TRPM3: variants seen among roughly 807,000 people sequenced by gnomAD.
The protein encoded by TRPM3 is long transient receptor potential channel 3.
A neutral mutation model predicts 181.2 loss-of-function variants in TRPM3; 77 were observed. That is an observed-to-expected ratio of 0.42 (90% CI 0.35 to 0.51). The LOEUF is 0.51. TRPM3 is among the 20% of genes least tolerant of loss of function. The pLI, the probability that TRPM3 is intolerant of heterozygous loss-of-function variation, is 0.01. For missense variants in TRPM3, 1,759 were observed against 2,196.7 expected, an observed-to-expected ratio of 0.80 and a Z score of 3.98; for synonymous variants, 745 against 796.4, an observed-to-expected ratio of 0.94 and a Z score of 1.09.
At chr9:71,033,044 CT>C (rs1478773118) in intron 1 of TRPM3, among the ~76,000 whole-genome samples, 2 of 152,186 alleles carry the variant, frequency 1.3e-5, no homozygotes, top group African/African-American at 2.4e-5. Flanking sequence ...TGGCACCTAT[CT>C]GATAGTTCAC....
chr9:70,664,588 T>C (rs1435811963), intron 9 of TRPM3, among the ~76,000 whole-genome samples: 3 of 150,588 alleles, frequency 2.0e-5, no homozygotes, highest in African/African-American at 4.9e-5. Context: ...GCCTGGGCCA[T>C]GGACATGGGG....
At chr9:71,351,399 A>T (rs1323046607) in intron 1 of TRPM3, among the ~76,000 whole-genome samples, 1 of 152,234 alleles carries the variant, frequency 6.6e-6, no homozygotes, top group Non-Finnish European at 1.5e-5. Context: ...TGAAACAATG[A>T]TTCTATAACC....
At chr9:70,978,844 C>T (rs1208025560) in intron 1 of TRPM3, among the ~76,000 whole-genome samples, 1 of 152,196 alleles carries the variant, frequency 6.6e-6, no homozygotes, top group Non-Finnish European at 1.5e-5. Flanking sequence ...CGAGCTTAGA[C>T]ACCACCTGTA....
At chr9:71,418,813 C>CTA (rs67074520) in intron 1 of TRPM3, among the ~76,000 whole-genome samples, 4,056 of 113,114 alleles carry the variant, frequency 0.036, 184 homozygotes, top group African/African-American at 0.1. Flanking sequence ...TATATATATA[C>CTA]TATATATATA....
At chr9:70,673,931 C>A in intron 9 of TRPM3, among the ~76,000 whole-genome samples, 1 of 109,008 alleles carries the variant, frequency 9.2e-6, no homozygotes. Flanking sequence ...TCTGGGAGAC[C>A]AGAGTAAAAC....
intron 1 of TRPM3, among the ~76,000 whole-genome samples, chr9:71,072,186 T>C (rs1367661352): frequency 6.6e-6 from 1 of 152,200 alleles, no homozygotes; most frequent in East Asian, 1.9e-4. Context: ...ATGGAACACC[T>C]TCATTGATGG....
At chr9:71,424,470 G>A (rs1210116568) in intron 1 of TRPM3, among the ~76,000 whole-genome samples, 3 of 152,074 alleles carry the variant, frequency 2.0e-5, no homozygotes, top group Non-Finnish European at 4.4e-5. Flanking sequence ...GTCAAGGAGA[G>A]AAACAAATAT....
At chr9:70,563,049 G>T (rs976025597) in intron 22 of TRPM3, among the ~76,000 whole-genome samples, 5 of 152,216 alleles carry the variant, frequency 3.3e-5, no homozygotes, top group Non-Finnish European at 7.3e-5. Context: ...TTGGTGAATG[G>T]AATGTTAGCA....
rs931398510 is a variant in TRPM3, at chr9:71,356,025, T to C, written c.183+90628A>G. Among the ~76,000 whole-genome samples the C allele has an allele frequency of 3.9e-5, 6 of 152,264 alleles. No individual in the cohort carries two copies. The East Asian group carries it at 9.7e-4, about 24-fold the overall frequency. ...TAGCGAGTGGTTGATTGGGCTTCAA[T>C]GCGTTCTCATTCCTGAAGGAAATCC... On this transcript the variant is annotated intron_variant, in intron 1 of 24. Coordinates refer to the TRPM3 transcript ENST00000357533.
chr9:70,925,531 G>A (rs12343924), intron 1 of TRPM3, among the ~76,000 whole-genome samples: 20,545 of 150,732 alleles, frequency 0.14, 1,527 homozygotes, highest in Non-Finnish European at 0.16. Context: ...GTAGAATATG[G>A]AAAAAAATAT....
intron 19 of TRPM3, among the ~76,000 whole-genome samples, chr9:70,609,665 G>A (rs993346967): frequency 6.6e-5 from 10 of 152,228 alleles, no homozygotes; most frequent in African/African-American, 2.4e-4. Flanking sequence ...TAGCACTGAA[G>A]TAGAGAAACC....
chr9:71,106,301 G>A (rs1413402975), intron 1 of TRPM3, among the ~76,000 whole-genome samples: 1 of 152,154 alleles, frequency 6.6e-6, no homozygotes, highest in East Asian at 1.9e-4. Context: ...ATAATCCCCA[G>A]TGTTGGAAAT....
At chr9:71,021,557 T>A (rs2097847559) in intron 1 of TRPM3, among the ~76,000 whole-genome samples, 1 of 152,242 alleles carries the variant, frequency 6.6e-6, no homozygotes, top group Non-Finnish European at 1.5e-5. Context: ...TTTTCAATTT[T>A]AAAAATCTAG....
chr9:71,229,156 C>T (rs1051268304), intron 1 of TRPM3, among the ~76,000 whole-genome samples: 2 of 152,012 alleles, frequency 1.3e-5, no homozygotes, highest in African/African-American at 4.8e-5. Context: ...AATCCAGAAA[C>T]AAATCCATAT....
At chr9:71,044,843 T>TG (rs2059244343) in intron 1 of TRPM3, among the ~76,000 whole-genome samples, 1 of 151,392 alleles carries the variant, frequency 6.6e-6, no homozygotes, top group Non-Finnish European at 1.5e-5. Flanking sequence ...GGCTAATTTT[T>TG]TATATTTTTA....
chr9:70,758,009 G>A (rs750031635), intron 8 of TRPM3, among the ~76,000 whole-genome samples: 5 of 152,122 alleles, frequency 3.3e-5, no homozygotes, highest in East Asian at 1.9e-4. Flanking sequence ...GAAATAAAGC[G>A]TATTCAAATA....
chr9:70,564,141 G>A (rs1339720589), intron 22 of TRPM3, among the ~76,000 whole-genome samples: 1 of 152,150 alleles, frequency 6.6e-6, no homozygotes, highest in Non-Finnish European at 1.5e-5. Flanking sequence ...GTTTAACTCA[G>A]TTTTACTCAG....
At chr9:71,294,791 T>A (rs928195929) in intron 1 of TRPM3, among the ~76,000 whole-genome samples, 1 of 152,170 alleles carries the variant, frequency 6.6e-6, no homozygotes, top group Non-Finnish European at 1.5e-5. Context: ...TCGAATTCTG[T>A]ATCAAAGTGA....
In TRPM3 at chr9:71,282,370, TGAAAGAAAGAAAGAAAG is replaced by T. The variant is rs1454872206; in HGVS notation, c.183+164266_183+164282del. 5.3e-5 allele frequency among the ~76,000 whole-genome samples: 4 copies of T among 74,868 alleles called. 1 individual carries two copies. The highest frequency in any genetic ancestry group is 1.7e-4 in the African/African-American group (2 of 11,756). The allele number at this position is 74,868 out of a possible 152,430, so 49.1% of individuals were successfully genotyped here. A position where few individuals can be genotyped will look rare whatever the true frequency, so the allele number is the denominator to read the frequency against. ...AAAAGAAAGAAAGAAAAAGAAAGAA[TGAAAGAAAGAAAGAAAG>T]GAAAGAAAGAAAGGAAAAGAAAGAA... On this transcript the variant is annotated intron_variant, in intron 1 of 24. Coordinates refer to the TRPM3 transcript ENST00000357533.
Sources: allele counts gnomAD v4.1 joint callset (sites outside exome capture counted in the v4.1 genomes callset), GRCh38; gene constraint gnomAD v4.1.1; transcripts MANE v1.5; gene names NCBI Gene and HGNC (gene_info 2026-07-23, HGNC 2026-07-21).